The following PLK4 variants were observed in gnomAD, a reference collection of about 807,000 sequenced individuals.
The protein encoded by PLK4 is polo like kinase 4, also known as serine/threonine-protein kinase PLK4.
Under a neutral mutation model 103.0 loss-of-function variants are expected in PLK4, and 51 were observed. The ratio of observed to expected loss-of-function variants is 0.50; its 90% CI spans 0.40 to 0.63. The LOEUF is 0.63. Among genes scored for constraint, PLK4 ranks in the 20% least tolerant of loss-of-function variants. The pLI is 0.00. For synonymous variants in PLK4, 389 were observed against 376.8 expected, an observed-to-expected ratio of 1.03 and a Z score of -0.38; for missense variants, 1,054 against 1,151.0, an observed-to-expected ratio of 0.92 and a Z score of 1.22.
intron 10 of PLK4, chr4:127,892,759 A>G (rs1444888690): frequency 5.9e-6 from 2 of 336,922 alleles, no homozygotes; most frequent in African/African-American, 4.4e-5. Flanking sequence ...CTCCAGTTTA[A>G]CTACGTCTAG....
intron 6 of PLK4, 22 bp downstream of exon 6, chr4:127,887,518 T>G: frequency 7.8e-7 from 1 of 1,280,784 alleles, no homozygotes; most frequent in Non-Finnish European, 1.1e-6. Context: ...ATGGAGTATT[T>G]AATCAAGAAT....
chr4:127,884,717 T>C (rs1052185490), intron 4 of PLK4, among the ~76,000 whole-genome samples: 2 of 152,054 alleles, frequency 1.3e-5, no homozygotes, highest in African/African-American at 4.8e-5. Flanking sequence ...GGTGGATGGA[T>C]CACAAGGTCA....
intron 1 of PLK4, 146 bp downstream of exon 1, chr4:127,881,310 C>G: frequency 6.6e-7 from 1 of 1,519,166 alleles, no homozygotes; most frequent in Non-Finnish European, 8.8e-7. Context: ...GCCCAGACCC[C>G]TGCTGTTTAG....
intron 7 of PLK4, 111 bp downstream of exon 7, chr4:127,890,347 A>G (rs1228344444): frequency 1.3e-5 from 9 of 708,232 alleles, no homozygotes; most frequent in African/African-American, 7.1e-5. Context: ...GGGTGTATAC[A>G]TGATCAACTT....
intron 2 of PLK4, 46 bp from the exon 3 acceptor site, chr4:127,883,216 A>C (rs758018530): frequency 2.1e-6 from 2 of 943,344 alleles, no homozygotes; most frequent in Non-Finnish European, 3.3e-6. Context: ...ACTTTTAAGC[A>C]GTTTATATTT....
Position 127,890,175 on chromosome 4 carries a change from T to A in PLK4, c.1769T>A (p.Ile590Asn). 1 of 1,613,682 alleles carries A rather than the reference T, an allele frequency of 6.2e-7. No individual in the cohort carries two copies. Among genetic ancestry groups the A allele is most frequent in the Non-Finnish European group, 8.5e-7 (1 of 1,179,682 alleles). The change falls in exon 7 of 16, where the codon ATT becomes AAT. Residue 590 changes from isoleucine to asparagine, a missense_variant. Physicochemically the swap from Ile to Asn is moderately radical, Grantham distance 149 (BLOSUM62 -3). This residue lies in a region of PLK4 where 680 missense variants were observed against 660.3 expected (regional missense o/e 1.03). Coordinates refer to ENST00000270861, the MANE Select transcript of PLK4 (RefSeq NM_014264.5). Reference sequence around the variant, plus strand: ...TATCAGAATCGTACATTAAGAAGCATTACATCTCCGTTGGTTGCTCACAGG... The same window carrying A: ...TATCAGAATCGTACATTAAGAAGCAATACATCTCCGTTGGTTGCTCACAGG... ...WGYQNRTLRS[I>N]TSPLVAHRLK...
chr4:127,884,506 A>T (rs532062962), intron 4 of PLK4, among the ~76,000 whole-genome samples: 6 of 152,332 alleles, frequency 3.9e-5, no homozygotes, highest in African/African-American at 1.4e-4. Flanking sequence ...ATACTTCATT[A>T]AAAAAGGCCT....
chr4:127,893,970 A>C (rs1057501988), intron 13 of PLK4, 89 bp downstream of exon 13: 2 of 748,068 alleles, frequency 2.7e-6, no homozygotes, highest in Non-Finnish European at 2.3e-6. Flanking sequence ...TGGCTTTACT[A>C]TCATCTACGT....
intron 1 of PLK4, chr4:127,881,425 A>T (rs534479548): frequency 7.2e-7 from 1 of 1,389,932 alleles, no homozygotes; most frequent in East Asian, 2.7e-5. Flanking sequence ...TCTTTCAGCA[A>T]TCCCGCCCGA....
chr4:127,898,466 C>T lies in PLK4; in HGVS notation c.2838C>T (p.Asp946=). The T allele has an allele frequency of 6.4e-7, 1 of 1,569,562 alleles. No individual in the cohort carries two copies. The highest frequency in any genetic ancestry group is 8.7e-7 in the Non-Finnish European group (1 of 1,145,206). ...TRYGENEKLP[D]YIKQKLQCLS... is the part of the protein sequence containing the mutation. Reference sequence around the variant, plus strand: ...ATGGAGAAAATGAAAAATTACCAGACTACATCAAACAGAAATTACAGTGTC... The same window carrying T: ...ATGGAGAAAATGAAAAATTACCAGATTACATCAAACAGAAATTACAGTGTC... Residue 946 remains aspartate, a synonymous_variant, in exon 16 of 16, where the codon GAC becomes GAT. Transcript: ENST00000270861.
intron 9 of PLK4, 41 bp from the exon 10 acceptor site, chr4:127,892,324 C>T: frequency 3.0e-6 from 4 of 1,319,598 alleles, no homozygotes; most frequent in Non-Finnish European, 4.2e-6. Flanking sequence ...TATGTCAGGT[C>T]AACACTTTCT....
chr4:127,893,764 C>T lies in PLK4; in HGVS notation c.2445C>T (p.Ala815=), dbSNP rs1245320591. Residue 815 remains alanine, a synonymous_variant, in exon 13 of 16, where the codon GCC becomes GCT. Transcript: ENST00000270861. ...CTGGTAGTACTAGTTCACCTAAGGC[C>T]TTATCACCTCCTCCTTCTGTGGATT... ...RKPGSTSSPK[A]LSPPPSVDSN... The T allele has an allele frequency of 1.9e-6, 3 of 1,612,166 alleles. No homozygotes were observed. Among genetic ancestry groups the T allele is most frequent in the East Asian group, 2.2e-5 (1 of 44,848 alleles).
chr4:127,893,712 T>C, intron 12 of PLK4, 22 bp from the exon 13 acceptor site: 1 of 1,601,142 alleles, frequency 6.2e-7, no homozygotes, highest in Non-Finnish European at 8.5e-7. Flanking sequence ...CAAGGGAATA[T>C]ATTTGGACTT....
At chr4:127,888,196 A>AAAAAAAG (rs1193102139) in intron 6 of PLK4, among the ~76,000 whole-genome samples, 5 of 143,068 alleles carry the variant, frequency 3.5e-5, no homozygotes, top group Non-Finnish European at 7.5e-5. Flanking sequence ...AAAAAAAAAA[A>AAAAAAAG]AAAAAAAAAA....
At chr4:127,887,368 T>C in intron 5 of PLK4, 28 bp from the exon 6 acceptor site, 4 of 1,299,684 alleles carry the variant, frequency 3.1e-6, no homozygotes, top group Non-Finnish European at 4.4e-6. Context: ...TTTATTAGTT[T>C]ATGGGATTTT....
rs375787394 is a variant in PLK4 at position 127,893,728 on chromosome 4, C to T, written c.2415-6C>T. The T allele has an allele frequency of 6.2e-7, 1 of 1,605,552 alleles. No homozygotes were observed. The highest frequency in any genetic ancestry group is 8.5e-7 in the Non-Finnish European group (1 of 1,175,122). Reference sequence around the variant, plus strand: ...AAGGGAATATATTTGGACTTTTCCCCTTCAGAAAACCTGGTAGTACTAGTT... The same window carrying T: ...AAGGGAATATATTTGGACTTTTCCCTTTCAGAAAACCTGGTAGTACTAGTT... On this transcript the variant is annotated splice_region_variant and splice_polypyrimidine_tract_variant and intron_variant, in intron 12 of 15. Coordinates refer to ENST00000270861, the MANE Select transcript of PLK4 (RefSeq NM_014264.5).
In PLK4 at chr4:127,887,382, G is replaced by C. The variant is rs1560694807; in HGVS notation, c.1359-14G>C. ...TTTTATTAGTTTATGGGATTTTTTT[G>C]TTTGTTTGTTTAGCTCCAATCATCT... is the stretch of plus-strand genomic sequence containing the variant. On this transcript the variant is annotated splice_polypyrimidine_tract_variant and intron_variant, in intron 5 of 15. Transcript: ENST00000270861. 3 of 1,488,464 alleles carry C rather than the reference G, an allele frequency of 2.0e-6. No individual in the cohort carries two copies. In the South Asian group the frequency reaches 3.6e-5, roughly 18 times the overall value. The allele number at this position is 1,488,464 out of a possible 1,614,324, so 92.2% of individuals were successfully genotyped here.
chr4:127,888,176 T>TCAAA (rs1735210829), intron 6 of PLK4, among the ~76,000 whole-genome samples: 1 of 4,064 alleles, frequency 2.5e-4, no homozygotes, highest in Non-Finnish European at 7.1e-4. Context: ...CTAGACTGTC[T>TCAAA]CAAAAAAAAA....
In PLK4 at chr4:127,892,651, G is replaced by A. The variant is rs561127910; in HGVS notation, c.2188+137G>A. The A allele has an allele frequency of 1.0e-4, 61 of 603,902 alleles. No individual in the cohort carries two copies. In the South Asian group the frequency reaches 1.1e-3, roughly 11 times the overall value. 37.4% of individuals were successfully genotyped at this position (603,902 alleles called of 1,614,324 possible). ...TAACTATACATATAAATTGCACAGCGGAGTATACATGTCAAATCATATTAA... is the reference window on the plus strand; with the variant it reads ...TAACTATACATATAAATTGCACAGCAGAGTATACATGTCAAATCATATTAA... On this transcript the variant is annotated intron_variant, in intron 10 of 15. Transcript: ENST00000270861.
Sources: allele counts gnomAD v4.1 joint callset (sites outside exome capture counted in the v4.1 genomes callset), GRCh38; gene constraint gnomAD v4.1.1; regional missense constraint gnomAD v4.1.1; transcripts MANE v1.5; gene names NCBI Gene and HGNC (gene_info 2026-07-23, HGNC 2026-07-21).